PDZD2: variants seen among roughly 807,000 people sequenced by gnomAD.
PDZD2 encodes the protein PDZ domain-containing protein 2.
A neutral mutation model predicts 220.7 loss-of-function variants in PDZD2; 90 were observed. That is an observed-to-expected ratio of 0.41 (90% CI 0.34 to 0.49). The LOEUF is 0.49. Among genes scored for constraint, PDZD2 ranks in the 20% least tolerant of loss-of-function variants. PDZD2 has a pLI of 0.28. For synonymous variants in PDZD2, 1,375 were observed against 1,450.5 expected (o/e 0.95, Z 1.18); for missense variants, 3,174 against 3,608.5 (o/e 0.88, Z 3.08).
At chr5:32,039,968 G>A (rs527757774) in intron 7 of PDZD2, among the ~76,000 whole-genome samples, 7 of 141,142 alleles carry the variant, frequency 5.0e-5, no homozygotes, top group Non-Finnish European at 1.1e-4. Flanking sequence ...AGTGAGGAGC[G>A]CCACTGCCTG....
intron 6 of PDZD2, among the ~76,000 whole-genome samples, chr5:32,011,583 A>G (rs752822089): frequency 2.0e-5 from 3 of 152,114 alleles, no homozygotes; most frequent in Non-Finnish European, 2.9e-5. Context: ...GTGAACTCTT[A>G]TTAGCCCTTG....
intron 1 of PDZD2, among the ~76,000 whole-genome samples, chr5:31,781,307 A>G (rs1753050074): frequency 1.3e-5 from 2 of 152,164 alleles, no homozygotes; most frequent in Non-Finnish European, 2.9e-5. Context: ...CCAGCTACTC[A>G]TGAGGCTGAG....
chr5:31,751,467 G>C (rs1750969676), intron 1 of PDZD2, among the ~76,000 whole-genome samples: 1 of 152,242 alleles, frequency 6.6e-6, no homozygotes, highest in Non-Finnish European at 1.5e-5. Flanking sequence ...GAAGGTGAGA[G>C]ACTGGGTTTT....
At chr5:31,886,115 T>C (rs2150342122) in intron 2 of PDZD2, among the ~76,000 whole-genome samples, 1 of 152,264 alleles carries the variant, frequency 6.6e-6, no homozygotes, top group African/African-American at 2.4e-5. Context: ...GCCAGGCTGG[T>C]CTGTAACTCC....
chr5:31,735,729 G>A (rs1317978255), intron 1 of PDZD2, among the ~76,000 whole-genome samples: 3 of 152,114 alleles, frequency 2.0e-5, no homozygotes, highest in East Asian at 3.9e-4. Flanking sequence ...GGCAGATCAC[G>A]AGGTCAAGAG....
intron 2 of PDZD2, among the ~76,000 whole-genome samples, chr5:31,805,183 G>A (rs1229021063): frequency 2.0e-5 from 3 of 152,166 alleles, no homozygotes; most frequent in African/African-American, 4.8e-5. Flanking sequence ...GGGCAACAGA[G>A]CAAGACTCTG....
chr5:32,056,984 T>C lies in PDZD2; in HGVS notation c.1901-671T>C, dbSNP rs1489617214. 2.0e-5 allele frequency among the ~76,000 whole-genome samples: 3 copies of C among 152,138 alleles called. No individual in the cohort carries two copies. The East Asian group carries it at 5.8e-4, about 29-fold the overall frequency. On this transcript the variant is annotated intron_variant, in intron 10 of 24. Transcript: ENST00000438447. ...TGGCGTGCACCTGTATTCCCAGCTA[T>C]TCAGGAGGCTGAGGCATGAGAATAG...
intron 14 of PDZD2, among the ~76,000 whole-genome samples, chr5:32,063,658 G>T (rs1424984468): frequency 6.6e-6 from 1 of 152,166 alleles, no homozygotes; most frequent in African/African-American, 2.4e-5. Flanking sequence ...GCTTCTACTG[G>T]GTGCCAGGCA....
At chr5:32,063,629 T>A (rs919176348) in intron 14 of PDZD2, among the ~76,000 whole-genome samples, 1 of 152,194 alleles carries the variant, frequency 6.6e-6, no homozygotes, top group Non-Finnish European at 1.5e-5. Flanking sequence ...ATCAAATTCA[T>A]TACCTAAACA....
At chr5:32,022,704 A>T (rs1235563775) in intron 6 of PDZD2, among the ~76,000 whole-genome samples, 1 of 152,116 alleles carries the variant, frequency 6.6e-6, no homozygotes, top group Non-Finnish European at 1.5e-5. Flanking sequence ...GAAAAATAAC[A>T]TGTACAGTGG....
At chr5:31,975,306 A>T (rs1460645965) in intron 2 of PDZD2, among the ~76,000 whole-genome samples, 2 of 152,182 alleles carry the variant, frequency 1.3e-5, no homozygotes, top group African/African-American at 2.4e-5. Context: ...GCAAGAGAGC[A>T]TGTGCAGGGG....
At chr5:32,021,711 G>A (rs1025667472) in intron 6 of PDZD2, among the ~76,000 whole-genome samples, 5 of 152,124 alleles carry the variant, frequency 3.3e-5, no homozygotes, top group South Asian at 4.1e-4. Context: ...GTCAGCTCCC[G>A]GTTTGTTAAT....
chr5:31,905,542 T>C (rs1742567758), intron 2 of PDZD2, among the ~76,000 whole-genome samples: 1 of 152,230 alleles, frequency 6.6e-6, no homozygotes, highest in South Asian at 2.1e-4. Flanking sequence ...CACTGGAAGA[T>C]GTTCACATTT....
At chr5:31,737,269 T>G (rs1229997593) in intron 1 of PDZD2, among the ~76,000 whole-genome samples, 1 of 149,748 alleles carries the variant, frequency 6.7e-6, no homozygotes, top group Admixed American at 6.7e-5. Context: ...GCCTCTCAGG[T>G]TCACGCCATT....
chr5:32,077,383 C>T lies in PDZD2; in HGVS notation c.3538-79C>T, dbSNP rs1021794255. 2.0e-6 allele frequency: 3 copies of T among 1,466,936 alleles called. No homozygotes were observed. In the African/African-American group the frequency reaches 4.2e-5, roughly 20 times the overall value. 90.9% of individuals were successfully genotyped at this position (1,466,936 alleles called of 1,614,324 possible). A position where few individuals can be genotyped will look rare whatever the true frequency, so the allele number is the denominator to read the frequency against. On this transcript the variant is annotated intron_variant, in intron 18 of 24. Transcript: ENST00000438447. ...TTTGCCTTTTCCTGAACTAGCTCTG[C>T]TCTCTATATATGATCTCATCTTACG...
At chr5:31,679,056 G>C (rs1282702388) in intron 1 of PDZD2, among the ~76,000 whole-genome samples, 2 of 152,158 alleles carry the variant, frequency 1.3e-5, no homozygotes, top group African/African-American at 2.4e-5. Context: ...GGACTATTTG[G>C]GGAAGGGCGG....
chr5:31,639,662 G>A lies in PDZD2; in HGVS notation c.-361+225G>A, dbSNP rs13170710. On this transcript the variant is annotated intron_variant, in intron 1 of 24. Coordinates refer to ENST00000438447, the MANE Select transcript of PDZD2 (RefSeq NM_178140.4). The surrounding 1 kb of genome is among the most constrained non-coding windows in gnomAD (Gnocchi z 4.1). ...TCCGGCCGGGGACGGGGAGGGCGCA[G>A]CCCAGGGGAGGGGGCTAGACAGAGC... Among the ~76,000 whole-genome samples, 2 of 152,216 alleles carry A rather than the reference G, an allele frequency of 1.3e-5. No individual in the cohort carries two copies. Among genetic ancestry groups the A allele is most frequent in the Non-Finnish European group, 2.9e-5 (2 of 68,014 alleles).
At chr5:32,016,141 G>A (rs1340114788) in intron 6 of PDZD2, among the ~76,000 whole-genome samples, 2 of 152,182 alleles carry the variant, frequency 1.3e-5, no homozygotes, top group African/African-American at 2.4e-5. Flanking sequence ...TTCTTCGTTG[G>A]TGGAACTGCC....
intron 8 of PDZD2, among the ~76,000 whole-genome samples, chr5:32,051,974 C>CA (rs1738601033): frequency 6.6e-6 from 1 of 152,180 alleles, no homozygotes; most frequent in Admixed American, 6.5e-5. Flanking sequence ...AGCCCGACCA[C>CA]AGGTGGTCAT....
Sources: allele counts gnomAD v4.1 joint callset (sites outside exome capture counted in the v4.1 genomes callset), GRCh38; gene constraint gnomAD v4.1.1; non-coding constraint Gnocchi (gnomAD v3.1); transcripts MANE v1.5; gene names NCBI Gene and HGNC (gene_info 2026-07-23, HGNC 2026-07-21).